Variants in SCN2A observed in about 807,000 individuals in gnomAD.
The protein encoded by SCN2A is sodium voltage-gated channel alpha subunit 2, also known as sodium channel protein type 2 subunit alpha.
In SCN2A, 20 loss-of-function variants were observed where a neutral mutation model predicts 188.7. That is an observed-to-expected ratio of 0.11 (90% CI 0.07 to 0.15). The LOEUF is 0.15. Ranked by LOEUF, SCN2A falls within the 10% of genes least tolerant of loss-of-function variation. SCN2A has a pLI of 1.00. For missense variants in SCN2A, 1,278 were observed against 2,445.0 expected, an observed-to-expected ratio of 0.52 and a Z score of 10.07; for synonymous variants, 804 against 833.1, an observed-to-expected ratio of 0.97 and a Z score of 0.60.
intron 14 of SCN2A, among the ~76,000 whole-genome samples, chr2:165,334,443 A>G (rs1239130876): frequency 6.6e-6 from 1 of 151,846 alleles, no homozygotes; most frequent in African/African-American, 2.4e-5. Context: ...TGTACTCTGA[A>G]TAAGTGAAAT....
intron 17 of SCN2A, among the ~76,000 whole-genome samples, chr2:165,364,200 C>T (rs1337160096): frequency 6.6e-6 from 1 of 152,072 alleles, no homozygotes; most frequent in Non-Finnish European, 1.5e-5. Flanking sequence ...ATGGTAATAA[C>T]ATTGTAACAG....
intron 18 of SCN2A, 102 bp downstream of exon 18, chr2:165,365,365 A>G (rs979620770): frequency 4.0e-5 from 46 of 1,137,260 alleles, no homozygotes; most frequent in Non-Finnish European, 5.4e-5. Flanking sequence ...TCTATTATCT[A>G]TCTATCTGTA....
chr2:165,354,055 G>A, intron 16 of SCN2A, 137 bp from the exon 17 acceptor site: 1 of 1,047,566 alleles, frequency 9.5e-7, no homozygotes, highest in Non-Finnish European at 1.5e-6. Flanking sequence ...CTTTTTTTCA[G>A]AATAGTGTAT....
chr2:165,360,579 G>C (rs772681524), intron 17 of SCN2A, among the ~76,000 whole-genome samples: 1 of 151,830 alleles, frequency 6.6e-6, no homozygotes, highest in East Asian at 1.9e-4. Flanking sequence ...CCACCTGAAA[G>C]TAAATGATTG....
chr2:165,380,827 A>G, intron 24 of SCN2A, 98 bp downstream of exon 24: 1 of 998,348 alleles, frequency 1.0e-6, no homozygotes, highest in Non-Finnish European at 1.5e-6. Flanking sequence ...AAAAAAGAAT[A>G]TAAAATTCAG....
rs1307375161 is a variant in SCN2A, at chr2:165,315,532, T to G, written c.1445T>G (p.Val482Gly). The change falls in exon 11 of 27, where the codon GTT (valine) becomes GGT (glycine). Residue 482 changes from valine (V) to glycine (G), a missense_variant. Transcript: ENST00000375437. ...RDFSGAGGIGVFSESSSVASK... is the reference protein window; with the variant it reads ...RDFSGAGGIGGFSESSSVASK... ...TTCAGTGGTGCTGGTGGGATAGGAG[T>G]TTTTTCAGAGAGTTCTTCAGTAGCA... The G allele has an allele frequency of 1.2e-6, 2 of 1,613,778 alleles. No individual in the cohort carries two copies. Among genetic ancestry groups the G allele is most frequent in the Admixed American group, 1.7e-5 (1 of 59,976 alleles).
chr2:165,256,917 G>T (rs1419133182), intron 1 of SCN2A, among the ~76,000 whole-genome samples: 1 of 152,074 alleles, frequency 6.6e-6, no homozygotes, highest in Non-Finnish European at 1.5e-5. Flanking sequence ...AGTCTTTTAG[G>T]CTGAGGAGAA....
chr2:165,292,440 A>G (rs1032281921), intron 1 of SCN2A, among the ~76,000 whole-genome samples: 1 of 152,146 alleles, frequency 6.6e-6, no homozygotes, highest in Non-Finnish European at 1.5e-5. Context: ...GGTAGCAAGC[A>G]TAGTACCCAA....
intron 1 of SCN2A, among the ~76,000 whole-genome samples, chr2:165,285,001 C>A (rs765771716): frequency 6.6e-6 from 1 of 152,076 alleles, no homozygotes; most frequent in African/African-American, 2.4e-5. Context: ...AGGTATATTT[C>A]TTTTATATAG....
rs1046697501 is a variant in SCN2A at position 165,307,988 on chromosome 2, G to A, written c.476+51G>A. 4.1e-6 allele frequency: 5 copies of A among 1,220,320 alleles called. No homozygotes were observed. In the African/African-American group the frequency reaches 6.0e-5, roughly 15 times the overall value. The allele number at this position is 1,220,320 out of a possible 1,614,324, so 75.6% of individuals were successfully genotyped here. On this transcript the variant is annotated intron_variant, in intron 4 of 26. Transcript: ENST00000375437. ...GACCTCCCTTTATGTTTCATATTGTGCTTTTAACACCTTGAGACCTCCTCA... is the reference window on the plus strand; with the variant it reads ...GACCTCCCTTTATGTTTCATATTGTACTTTTAACACCTTGAGACCTCCTCA...
chr2:165,308,654 A>G lies in SCN2A; in HGVS notation c.477-12A>G. 1 of 1,610,242 alleles carries G rather than the reference A, an allele frequency of 6.2e-7. No homozygotes were observed. The highest frequency in any genetic ancestry group is 8.5e-7 in the Non-Finnish European group (1 of 1,177,220). ...CTAGATTTTTAATGTGAGCTTGGCT[A>G]TTTTCTCTCAGGTATACCTTTACAG... On this transcript the variant is annotated splice_polypyrimidine_tract_variant and intron_variant, in intron 4 of 26. Coordinates refer to ENST00000375437, the MANE Select transcript of SCN2A (RefSeq NM_001040142.2).
At chr2:165,311,987 AT>A in intron 7 of SCN2A, 37 bp from the exon 8 acceptor site, 1 of 1,505,326 alleles carries the variant, frequency 6.6e-7, no homozygotes, top group East Asian at 2.3e-5. Context: ...GTTTTACAGG[AT>A]TTTAATGATT....
At position 165,323,275 on chromosome 2, in the gene SCN2A, G is replaced by A; in HGVS notation, c.1791G>A (p.Glu597=). 1 of 1,614,186 alleles carries A rather than the reference G, an allele frequency of 6.2e-7. No homozygotes were observed. The highest frequency in any genetic ancestry group is 8.5e-7 in the Non-Finnish European group (1 of 1,180,038). ...IGSENDFADD[E]HSTFEDNDSR... is the part of the protein sequence containing the mutation. ...CTGAGAATGACTTTGCTGATGATGAGCACAGCACCTTTGAGGACAATGACA... is the reference window on the plus strand; with the variant it reads ...CTGAGAATGACTTTGCTGATGATGAACACAGCACCTTTGAGGACAATGACA... Residue 597 remains glutamate, a synonymous_variant, in exon 12 of 27, where the codon GAG becomes GAA. Transcript: ENST00000375437.
chr2:165,241,754 G>T (rs1005733007), intron 1 of SCN2A, among the ~76,000 whole-genome samples: 1 of 152,194 alleles, frequency 6.6e-6, no homozygotes, highest in African/African-American at 2.4e-5. Context: ...CTTGTGCCAG[G>T]CACCATGTTA....
At chr2:165,287,175 T>A (rs1023156725) in intron 1 of SCN2A, among the ~76,000 whole-genome samples, 1 of 152,198 alleles carries the variant, frequency 6.6e-6, no homozygotes, top group African/African-American at 2.4e-5. Flanking sequence ...ACTTGAGAGG[T>A]CCAAGTGCCC....
chr2:165,247,877 T>G (rs1054178251), intron 1 of SCN2A, among the ~76,000 whole-genome samples: 1 of 152,194 alleles, frequency 6.6e-6, no homozygotes, highest in African/African-American at 2.4e-5. Flanking sequence ...TTCGGATAGT[T>G]CTTCCCAACC....
At chr2:165,338,709 CAT>C (rs541987478) in intron 14 of SCN2A, among the ~76,000 whole-genome samples, 1 of 152,054 alleles carries the variant, frequency 6.6e-6, no homozygotes, top group Admixed American at 6.5e-5. Flanking sequence ...ACTTCTTAAA[CAT>C]GTGGGGATTA....
In SCN2A at chr2:165,389,866, A is replaced by T. The variant is rs753502694; in HGVS notation, c.*42A>T. ...TTCCATTTTGTGATCAATTGTTTAC[A>T]GCCCGTGATGGTGATGTGTTTGTGT... On this transcript the variant is annotated 3_prime_UTR_variant, in exon 27 of 27. Transcript: ENST00000375437. This position sits in a 1 kb window ranked among gnomAD's most constrained non-coding sequence, Gnocchi z 4.2. The T allele has an allele frequency of 4.5e-6, 7 of 1,553,128 alleles. 1 individual carries two copies. Among genetic ancestry groups the T allele is most frequent in the Non-Finnish European group, 6.1e-6 (7 of 1,151,638 alleles).
At chr2:165,372,269 G>C (rs1222513316) in intron 20 of SCN2A, 2 of 152,014 alleles carry the variant, frequency 1.3e-5, no homozygotes, top group Admixed American at 1.3e-4. Flanking sequence ...TATTCAAGAG[G>C]CTTCACTTTC....
Sources: allele counts gnomAD v4.1 joint callset (sites outside exome capture counted in the v4.1 genomes callset), GRCh38; gene constraint gnomAD v4.1.1; non-coding constraint Gnocchi (gnomAD v3.1); transcripts MANE v1.5; gene names NCBI Gene and HGNC (gene_info 2026-07-23, HGNC 2026-07-21).